SORCS1: variants seen among roughly 807,000 people sequenced by gnomAD.
The protein encoded by SORCS1 is sortilin related VPS10 domain containing receptor 1.
A neutral mutation model predicts 146.1 loss-of-function variants in SORCS1; 60 were observed. The ratio of observed to expected loss-of-function variants is 0.41; its 90% confidence interval spans 0.33 to 0.51. The LOEUF is 0.51. Ranked by LOEUF, SORCS1 falls within the 20% of genes least tolerant of loss-of-function variation. The probability of loss-of-function intolerance (pLI) is 0.21; values close to 1 mark genes in which losing one functional copy is unlikely to be tolerated. For synonymous variants in SORCS1, 637 were observed against 584.0 expected, an observed-to-expected ratio of 1.09 and a Z score of -1.31; for missense variants, 1,352 against 1,487.6, an observed-to-expected ratio of 0.91 and a Z score of 1.50.
chr10:107,022,982 G>A (rs569879103), intron 1 of SORCS1, among the ~76,000 whole-genome samples: 1 of 152,274 alleles, frequency 6.6e-6, no homozygotes, highest in African/African-American at 2.4e-5. Context: ...CTCCATAGTG[G>A]GAGGCCTGGA....
chr10:106,588,590 G>A (rs533892526), intron 24 of SORCS1, among the ~76,000 whole-genome samples: 13 of 152,076 alleles, frequency 8.5e-5, no homozygotes, highest in African/African-American at 2.9e-4. Context: ...GGCCGGGCGC[G>A]GTGGCTCATG....
chr10:106,578,809 C>T lies in SORCS1; in HGVS notation c.3371+560G>A, dbSNP rs922974965. The T allele has an allele frequency of 5.5e-6, 7 of 1,269,986 alleles. No individual in the cohort carries two copies. In the Admixed American group the frequency reaches 2.3e-4, roughly 41 times the overall value. The allele number at this position is 1,269,986 out of a possible 1,614,324, so 78.7% of individuals were successfully genotyped here. A position where few individuals can be genotyped will look rare whatever the true frequency, so the allele number is the denominator to read the frequency against. On this transcript the variant is annotated intron_variant, in intron 25 of 25. Coordinates refer to ENST00000263054, the MANE Select transcript of SORCS1 (RefSeq NM_052918.5). Reference sequence around the variant, plus strand: ...TAAAGCAAATGCTTTGCTCTTTGCCCATAAACATATAACATTTTAACATTT... The same window carrying T: ...TAAAGCAAATGCTTTGCTCTTTGCCTATAAACATATAACATTTTAACATTT...
At chr10:106,577,760 G>T (rs940923864) in intron 25 of SORCS1, 10 of 997,678 alleles carry the variant, frequency 1.0e-5, no homozygotes, top group Middle Eastern at 3.5e-4. Context: ...CTTTAGGAAT[G>T]AGTAGACAGG....
rs780653027 is a variant in SORCS1 at position 106,699,174 on chromosome 10, C to T, written c.1413+40G>A. The T allele has an allele frequency of 2.6e-6, 4 of 1,535,026 alleles. No homozygotes were observed. The Admixed American group carries it at 5.9e-5, about 23-fold the overall frequency. On this transcript the variant is annotated intron_variant, in intron 9 of 25. Coordinates refer to ENST00000263054, the MANE Select transcript of SORCS1 (RefSeq NM_052918.5). ...GCGGGGCTTCCATCAGCCAGCTGGG[C>T]ACTGCTGTGGCTTAGGACCACATAT...
rs561047906 is a variant in SORCS1, at chr10:106,987,547, C to T, written c.559-30967G>A. Reference sequence around the variant, plus strand: ...CTGTGTGCAGCAGCTCTCTTCTTGGCGCATAGCCACCCAATGCCTTACGGA... The same window carrying T: ...CTGTGTGCAGCAGCTCTCTTCTTGGTGCATAGCCACCCAATGCCTTACGGA... On this transcript the variant is annotated intron_variant, in intron 1 of 25. Coordinates refer to ENST00000263054, the MANE Select transcript of SORCS1 (RefSeq NM_052918.5). Among the ~76,000 whole-genome samples the T allele has an allele frequency of 1.9e-4, 29 of 152,282 alleles. No homozygotes were observed. In the South Asian group the frequency reaches 3.9e-3, roughly 21 times the overall value.
intron 17 of SORCS1, among the ~76,000 whole-genome samples, chr10:106,664,849 T>C (rs1851009098): frequency 6.6e-6 from 1 of 152,106 alleles, no homozygotes; most frequent in Non-Finnish European, 1.5e-5. Context: ...TTAAATTAGC[T>C]TGAGGGGTTT....
At chr10:106,768,474 T>G (rs1055415452) in intron 4 of SORCS1, among the ~76,000 whole-genome samples, 1 of 152,228 alleles carries the variant, frequency 6.6e-6, no homozygotes, top group Admixed American at 6.5e-5. Flanking sequence ...TTTGTCTTTA[T>G]CTCAATCTTG....
chr10:107,047,732 G>C (rs1171991296), intron 1 of SORCS1, among the ~76,000 whole-genome samples: 1 of 152,090 alleles, frequency 6.6e-6, no homozygotes, highest in Non-Finnish European at 1.5e-5. Context: ...CCCTGCTCCA[G>C]TTGTTCCCTG....
At chr10:106,701,080 C>A (rs952048408) in intron 8 of SORCS1, among the ~76,000 whole-genome samples, 5 of 152,172 alleles carry the variant, frequency 3.3e-5, no homozygotes, top group Admixed American at 2.6e-4. Flanking sequence ...CTATGCACAT[C>A]CTCCTGTACA....
At chr10:106,611,443 T>C (rs554339161) in intron 22 of SORCS1, among the ~76,000 whole-genome samples, 131 of 152,336 alleles carry the variant, frequency 8.6e-4, no homozygotes, top group Admixed American at 2.9e-3. Flanking sequence ...CATCATATAC[T>C]GAATGCTCAC....
chr10:106,656,790 G>A (rs1850329121), intron 17 of SORCS1, among the ~76,000 whole-genome samples: 1 of 151,802 alleles, frequency 6.6e-6, no homozygotes. Flanking sequence ...ATTAGCTGGG[G>A]GTACTTTTAA....
intron 1 of SORCS1, among the ~76,000 whole-genome samples, chr10:107,050,090 T>A (rs1959962944): frequency 6.6e-6 from 1 of 152,174 alleles, no homozygotes; most frequent in Admixed American, 6.5e-5. Flanking sequence ...AAAGGTCTAA[T>A]CAGCCAAAAA....
At chr10:106,839,933 C>T (rs776768164) in intron 2 of SORCS1, among the ~76,000 whole-genome samples, 1 of 152,136 alleles carries the variant, frequency 6.6e-6, no homozygotes, top group Admixed American at 6.6e-5. Context: ...ATTATTGAGA[C>T]CTATTGCTCA....
At chr10:106,666,846 C>T (rs932357939) in intron 17 of SORCS1, among the ~76,000 whole-genome samples, 11 of 152,050 alleles carry the variant, frequency 7.2e-5, no homozygotes, top group Non-Finnish European at 1.0e-4. Flanking sequence ...GCTGGGACTA[C>T]AGGCGTGAGC....
intron 2 of SORCS1, among the ~76,000 whole-genome samples, chr10:106,866,599 G>T (rs1950228770): frequency 6.6e-6 from 1 of 152,164 alleles, no homozygotes; most frequent in Admixed American, 6.5e-5. Flanking sequence ...GGGGAGAAAA[G>T]CCCACACTTT....
At chr10:106,970,500 G>C (rs184035057) in intron 1 of SORCS1, among the ~76,000 whole-genome samples, 2 of 151,164 alleles carry the variant, frequency 1.3e-5, no homozygotes, top group Non-Finnish European at 2.9e-5. Context: ...CACCACGCCC[G>C]GCTAATTTTT....
intron 15 of SORCS1, 44 bp downstream of exon 15, chr10:106,672,824 C>G: frequency 4.5e-6 from 7 of 1,545,174 alleles, no homozygotes; most frequent in Non-Finnish European, 6.3e-6. Flanking sequence ...CAACACCACT[C>G]ATGCTTCCTG....
chr10:106,618,386 T>C, intron 20 of SORCS1, 114 bp from the exon 21 acceptor site: 1 of 1,340,288 alleles, frequency 7.5e-7, no homozygotes. Flanking sequence ...CTTCCTGATG[T>C]ACCACAATGG....
At chr10:106,965,904 T>C (rs1955470569) in intron 1 of SORCS1, among the ~76,000 whole-genome samples, 1 of 152,208 alleles carries the variant, frequency 6.6e-6, no homozygotes, top group Non-Finnish European at 1.5e-5. Context: ...TTCCTGATCA[T>C]AGACATGCTT....
Sources: allele counts gnomAD v4.1 joint callset (sites outside exome capture counted in the v4.1 genomes callset), GRCh38; gene constraint gnomAD v4.1.1; transcripts MANE v1.5; gene names NCBI Gene and HGNC (gene_info 2026-07-23, HGNC 2026-07-21).